PRDM15: variants seen among roughly 807,000 people sequenced by gnomAD.
PRDM15 encodes PR domain zinc finger protein 15.
A neutral mutation model predicts 128.6 loss-of-function variants in PRDM15; 64 were observed. That is an observed-to-expected ratio of 0.50 (90% CI 0.41 to 0.61). PRDM15 has a LOEUF of 0.61. Ranked by LOEUF, PRDM15 falls within the 20% of genes least tolerant of loss-of-function variation. The probability of loss-of-function intolerance (pLI) is 0.00; values close to 1 mark genes in which losing one functional copy is unlikely to be tolerated. For synonymous variants in PRDM15, 615 were observed against 621.8 expected (o/e 0.99, Z 0.16); for missense variants, 1,242 against 1,569.1 (o/e 0.79, Z 3.52).
chr21:41,876,044 C>T (rs2064402631), intron 1 of PRDM15, among the ~76,000 whole-genome samples: 1 of 152,138 alleles, frequency 6.6e-6, no homozygotes, highest in African/African-American at 2.4e-5. Flanking sequence ...ACCTGTAACA[C>T]AATAGTAAGT....
intron 6 of PRDM15, 53 bp downstream of exon 6, chr21:41,847,037 G>A (rs2063287020): frequency 4.9e-6 from 6 of 1,222,112 alleles, no homozygotes; most frequent in Admixed American, 4.1e-5. Flanking sequence ...GTAAGTCAGA[G>A]AGAAATCGAC....
intron 18 of PRDM15, 105 bp downstream of exon 18, chr21:41,819,477 A>ACCCCCCTTCCC: frequency 2.6e-6 from 1 of 380,006 alleles, no homozygotes; most frequent in Non-Finnish European, 4.3e-6. Context: ...CCCCCGCCAC[A>ACCCCCCTTCCC]CCCACCTTCC....
chr21:41,822,717 G>C (rs2062322516), intron 14 of PRDM15, among the ~76,000 whole-genome samples: 1 of 152,198 alleles, frequency 6.6e-6, no homozygotes, highest in Admixed American at 6.5e-5. Context: ...GAGGCCATTA[G>C]GTCATGAGGC....
At chr21:41,806,937 C>T (rs1489774874) in intron 21 of PRDM15, among the ~76,000 whole-genome samples, 1 of 150,898 alleles carries the variant, frequency 6.6e-6, no homozygotes, top group Non-Finnish European at 1.5e-5. Context: ...CTATCACCAT[C>T]ACCACCACCA....
intron 18 of PRDM15, among the ~76,000 whole-genome samples, chr21:41,817,266 CCTT>C (rs2146342550): frequency 6.6e-6 from 1 of 152,300 alleles, no homozygotes; most frequent in East Asian, 1.9e-4. Context: ...ACAGGGGATG[CCTT>C]TTTTATAGCT....
At chr21:41,863,784 G>C (rs758349050) in intron 1 of PRDM15, among the ~76,000 whole-genome samples, 3 of 151,888 alleles carry the variant, frequency 2.0e-5, no homozygotes, top group Non-Finnish European at 4.4e-5. Flanking sequence ...TGAGAAGGTG[G>C]ACAGAAATCA....
chr21:41,841,931 T>C (rs966968867), intron 6 of PRDM15, among the ~76,000 whole-genome samples: 1 of 152,258 alleles, frequency 6.6e-6, no homozygotes, highest in African/African-American at 2.4e-5. Context: ...TCAGATGCAC[T>C]GTATCATCAA....
rs2064521612 is a variant in PRDM15, at chr21:41,878,817, C to T, written c.-10+453G>A. 3.5e-6 allele frequency: 4 copies of T among 1,157,164 alleles called. 1 individual carries two copies. In the South Asian group the frequency reaches 1.1e-4, roughly 32 times the overall value. The allele number at this position is 1,157,164 out of a possible 1,614,324, so 71.7% of individuals were successfully genotyped here. On this transcript the variant is annotated intron_variant, in intron 1 of 23. Coordinates refer to ENST00000398548, the MANE Select transcript of PRDM15 (RefSeq NM_001040424.3). ...CTGGGGCCTCGGCGACGACGCCGCC[C>T]GGCGGCGGGGGCCGCGGGGCCGCGG... is the stretch of plus-strand genomic sequence containing the variant.
intron 1 of PRDM15, among the ~76,000 whole-genome samples, chr21:41,872,785 C>T (rs372246617): frequency 6.6e-6 from 1 of 152,026 alleles, no homozygotes; most frequent in South Asian, 2.1e-4. Flanking sequence ...CTCCTGGGCA[C>T]GCAGAACCAC....
At chr21:41,809,144 C>T (rs1029318392) in intron 21 of PRDM15, among the ~76,000 whole-genome samples, 1 of 152,182 alleles carries the variant, frequency 6.6e-6, no homozygotes, top group Non-Finnish European at 1.5e-5. Context: ...ACCCTGAGTG[C>T]GCTTCGCGTG....
rs2062393639 is a variant in PRDM15 at position 41,824,395 on chromosome 21, G to C, written c.1630-946C>G. Among the ~76,000 whole-genome samples the C allele has an allele frequency of 1.3e-5, 2 of 152,138 alleles. 1 individual carries two copies. The highest frequency in any genetic ancestry group is 2.9e-5 in the Non-Finnish European group (2 of 68,042). On this transcript the variant is annotated intron_variant, in intron 13 of 23. Coordinates refer to ENST00000398548, the MANE Select transcript of PRDM15 (RefSeq NM_001040424.3). ...GTCATGGTCTTTACAGGGAAGACTG[G>C]GCTGAAGACAACTAATAACTGGAAA...
Position 41,810,140 on chromosome 21 carries a change from A to G in PRDM15, c.2652+14T>C. The G allele has an allele frequency of 6.3e-7, 1 of 1,596,050 alleles. No individual in the cohort carries two copies. Among genetic ancestry groups the G allele is most frequent in the Non-Finnish European group, 8.5e-7 (1 of 1,171,538 alleles). Reference sequence around the variant, plus strand: ...CGCTGGCGGGGCACGGAGGGGGCACAGCCACCAGCTCACCTCGGGGTGCTT... The same window carrying G: ...CGCTGGCGGGGCACGGAGGGGGCACGGCCACCAGCTCACCTCGGGGTGCTT... On this transcript the variant is annotated intron_variant, in intron 21 of 23. Transcript: ENST00000398548. The surrounding 1 kb of genome is among the most constrained non-coding windows in gnomAD (Gnocchi z 6.4).
At chr21:41,837,807 A>T in intron 8 of PRDM15, 127 bp downstream of exon 8, 1 of 891,410 alleles carries the variant, frequency 1.1e-6, no homozygotes, top group Non-Finnish European at 1.8e-6. Context: ...CTGCCTCCTC[A>T]GCAGGTCTGT....
rs2061403558 is a variant in PRDM15 at position 41,801,121 on chromosome 21, C to T, written c.*119G>A. The T allele has an allele frequency of 7.2e-7, 1 of 1,386,268 alleles. No homozygotes were observed. The highest frequency in any genetic ancestry group is 1.5e-5 in the South Asian group (1 of 68,840). 85.9% of individuals were successfully genotyped at this position (1,386,268 alleles called of 1,614,324 possible). ...GGGGATCTGGAGATACTCTGCAAAG[C>T]TAAGTCAACCTTACATTGCAATGTA... On this transcript the variant is annotated 3_prime_UTR_variant, in exon 24 of 24. Transcript: ENST00000398548.
chr21:41,861,429 T>C, intron 1 of PRDM15: 1 of 728,586 alleles, frequency 1.4e-6, no homozygotes, highest in Non-Finnish European at 2.2e-6. Context: ...GGCCTCACAT[T>C]CCTGGGCTGT....
intron 1 of PRDM15, among the ~76,000 whole-genome samples, chr21:41,876,085 G>A (rs2064404521): frequency 6.6e-6 from 1 of 152,164 alleles, no homozygotes; most frequent in Non-Finnish European, 1.5e-5. Context: ...AAAAGGTAAC[G>A]TAAAAAATGC....
chr21:41,823,120 G>A (rs955513581), intron 14 of PRDM15, 198 bp downstream of exon 14: 36 of 674,552 alleles, frequency 5.3e-5, no homozygotes, highest in African/African-American at 1.6e-4. Flanking sequence ...AGAAGGCGCC[G>A]TCTACGAACC....
intron 3 of PRDM15, among the ~76,000 whole-genome samples, chr21:41,858,022 A>C (rs892174334): frequency 1.3e-5 from 2 of 152,192 alleles, no homozygotes; most frequent in Admixed American, 6.5e-5. Flanking sequence ...GGGACAGAAC[A>C]GGGTCAGACT....
At chr21:41,865,115 T>C (rs1490640290) in intron 1 of PRDM15, among the ~76,000 whole-genome samples, 1 of 137,184 alleles carries the variant, frequency 7.3e-6, no homozygotes, top group Non-Finnish European at 1.6e-5. Flanking sequence ...CTCTCTGCCA[T>C]GCCTGCTCAC....
Sources: allele counts gnomAD v4.1 joint callset (sites outside exome capture counted in the v4.1 genomes callset), GRCh38; gene constraint gnomAD v4.1.1; non-coding constraint Gnocchi (gnomAD v3.1); transcripts MANE v1.5; gene names NCBI Gene and HGNC (gene_info 2026-07-23, HGNC 2026-07-21).